Variants in KCNH5 observed in about 807,000 individuals in gnomAD.
The protein encoded by KCNH5 is potassium voltage-gated channel subfamily H member 5.
KCNH5 carries 46 observed loss-of-function variants against 96.1 expected under a neutral mutation model. The ratio of observed to expected loss-of-function variants is 0.48; its 90% CI spans 0.38 to 0.61. The LOEUF (loss-of-function observed/expected upper bound fraction) is 0.61. KCNH5 is among the 20% of genes least tolerant of loss of function. The pLI is 0.00. For missense variants in KCNH5, 907 were observed against 1,225.8 expected, an observed-to-expected ratio of 0.74 and a Z score of 3.88; for synonymous variants, 439 against 449.8, an observed-to-expected ratio of 0.98 and a Z score of 0.30.
intron 5 of KCNH5, among the ~76,000 whole-genome samples, chr14:62,985,616 G>A (rs911224735): frequency 1.3e-5 from 2 of 152,124 alleles, no homozygotes; most frequent in African/African-American, 4.8e-5. Context: ...ACAAATTATG[G>A]TTATAGAAGA....
chr14:63,036,979 G>A (rs1891733326), intron 1 of KCNH5, among the ~76,000 whole-genome samples: 2 of 152,162 alleles, frequency 1.3e-5, no homozygotes, highest in African/African-American at 2.4e-5. Context: ...TATGGAGGAG[G>A]CGGAAATTAG....
intron 1 of KCNH5, 66 bp downstream of exon 1, chr14:63,045,048 G>A (rs1891897050): frequency 8.1e-7 from 1 of 1,233,674 alleles, no homozygotes; most frequent in African/African-American, 1.5e-5. Context: ...GGATGGGATG[G>A]GGAGGATGGG....
intron 7 of KCNH5, among the ~76,000 whole-genome samples, chr14:62,936,930 G>C (rs1368346509): frequency 1.5e-5 from 2 of 130,900 alleles, no homozygotes; most frequent in African/African-American, 3.0e-5. Flanking sequence ...GGGGTGAGTG[G>C]AGATCACACC....
chr14:62,911,165 T>C (rs982188186), intron 7 of KCNH5, among the ~76,000 whole-genome samples: 2 of 152,102 alleles, frequency 1.3e-5, no homozygotes, highest in African/African-American at 4.8e-5. Context: ...CACACAAGAA[T>C]ATATGAATAA....
At chr14:62,827,032 C>T (rs1887241254) in intron 8 of KCNH5, among the ~76,000 whole-genome samples, 1 of 151,982 alleles carries the variant, frequency 6.6e-6, no homozygotes, top group African/African-American at 2.4e-5. Context: ...AAGGTGCCCA[C>T]ACTATATCTT....
In KCNH5 at chr14:62,861,637, T is replaced by TAAACAC. The variant is rs1888034884; in HGVS notation, c.1370-11786_1370-11785insGTGTTT. Among the ~76,000 whole-genome samples the TAAACAC allele has an allele frequency of 2.8e-5, 4 of 141,916 alleles. No homozygotes were observed. The South Asian group carries it at 9.4e-4, about 33-fold the overall frequency. 93.1% of individuals were successfully genotyped at this position (141,916 alleles called of 152,430 possible). A position where few individuals can be genotyped will look rare whatever the true frequency, so the allele number is the denominator to read the frequency against. ...CACATTTCCCCCCACCATCTCCATTTACACACACACACACACACACACACA... is the reference window on the plus strand; with the variant it reads ...CACATTTCCCCCCACCATCTCCATTTAAACACACACACACACACACACACACACACA... On this transcript the variant is annotated intron_variant, in intron 7 of 10. Coordinates refer to ENST00000322893, the MANE Select transcript of KCNH5 (RefSeq NM_139318.5).
At position 62,987,078 on chromosome 14, in the gene KCNH5, T is replaced by A; in HGVS notation, c.543A>T (p.Leu181=). 1 of 1,609,298 alleles carries A rather than the reference T, an allele frequency of 6.2e-7. No individual in the cohort carries two copies. The highest frequency in any genetic ancestry group is 8.5e-7 in the Non-Finnish European group (1 of 1,175,796). ...AAATTCATCTCATACTTACTTCAGC[T>A]AGTCTTGAATGTTTATGGACCACCT... ...KTEVVHKHSR[L]AEVLQLGSDI... is the part of the protein sequence containing the mutation. Residue 181 remains leucine (L), a synonymous_variant, in exon 5 of 11, where the codon CTA becomes CTT. Transcript: ENST00000322893.
At chr14:62,809,513 G>A (rs1318005294) in intron 8 of KCNH5, among the ~76,000 whole-genome samples, 8 of 152,024 alleles carry the variant, frequency 5.3e-5, no homozygotes, top group Non-Finnish European at 1.0e-4. Context: ...ACAGGTTATC[G>A]TGGAACCTCA....
chr14:63,028,943 A>G (rs1380016032), intron 1 of KCNH5, among the ~76,000 whole-genome samples: 6 of 152,152 alleles, frequency 3.9e-5, no homozygotes, highest in Admixed American at 3.9e-4. Flanking sequence ...TAAAGTTTTT[A>G]AAAATGTAGT....
chr14:62,787,004 G>A (rs1035170137), intron 9 of KCNH5, among the ~76,000 whole-genome samples: 8 of 152,166 alleles, frequency 5.3e-5, no homozygotes, highest in South Asian at 2.1e-4. Flanking sequence ...CCTTAAAATG[G>A]CTTCCAAGTG....
At chr14:62,907,108 G>A (rs1889043569) in intron 7 of KCNH5, among the ~76,000 whole-genome samples, 1 of 152,070 alleles carries the variant, frequency 6.6e-6, no homozygotes, top group Non-Finnish European at 1.5e-5. Context: ...TGTCTTTCTA[G>A]ACAGTCTTCT....
At chr14:62,932,952 T>C (rs554655964) in intron 7 of KCNH5, among the ~76,000 whole-genome samples, 9 of 152,266 alleles carry the variant, frequency 5.9e-5, no homozygotes, top group Admixed American at 2.6e-4. Flanking sequence ...AATTCTTTTA[T>C]CTATACTTTC....
intron 5 of KCNH5, among the ~76,000 whole-genome samples, chr14:62,984,197 A>G (rs921432346): frequency 1.3e-5 from 2 of 152,170 alleles, no homozygotes; most frequent in Non-Finnish European, 2.9e-5. Context: ...TTTTGTACCA[A>G]TACAGACACA....
chr14:62,780,030 G>C (rs1038756679), intron 9 of KCNH5, 106 bp from the exon 10 acceptor site: 2 of 851,366 alleles, frequency 2.3e-6, no homozygotes, highest in African/African-American at 1.7e-5. Flanking sequence ...GCATAATTTA[G>C]AGCTGAGGGT....
At position 63,045,122 on chromosome 14, in the gene KCNH5, C is replaced by T. The variant is rs747700661; in HGVS notation, c.65G>A (p.Arg22His). Residue 22 changes from arginine to histidine, a missense_variant, in exon 1 of 11, where the codon CGC becomes CAC. By Grantham distance (29) the Arg-to-His change is conservative. Around this residue, in one of 6 missense-constraint regions of KCNH5, gnomAD observed 370 missense variants for 561.3 expected, o/e 0.66. Transcript: ENST00000322893. Reference sequence around the variant, plus strand: ...ACTACAACTCTCCTTACCACTGGAGCGCCTGACGATGTTCTCCAAAAATGT... The same window carrying T: ...ACTACAACTCTCCTTACCACTGGAGTGCCTGACGATGTTCTCCAAAAATGT... ...QNTFLENIVR[R>H]SSESSFLLGN... The T allele has an allele frequency of 1.9e-6, 3 of 1,613,408 alleles. No homozygotes were observed. In the African/African-American group the frequency reaches 4.0e-5, roughly 22 times the overall value.
intron 6 of KCNH5, among the ~76,000 whole-genome samples, chr14:62,976,999 T>C (rs572974659): frequency 5.3e-5 from 8 of 151,398 alleles, no homozygotes; most frequent in Non-Finnish European, 8.8e-5. Context: ...CCCAGAAAAA[T>C]GGAAAGTGCA....
intron 10 of KCNH5, among the ~76,000 whole-genome samples, chr14:62,748,536 G>T (rs1305863042): frequency 1.3e-5 from 2 of 152,014 alleles, no homozygotes; most frequent in Non-Finnish European, 2.9e-5. Context: ...GAGTCGCTCT[G>T]GTTCGAATGC....
rs1260355133 is a variant in KCNH5 at position 62,705,755 on chromosome 14, T to C, written c.*1753A>G. The C allele has an allele frequency of 2.0e-5, 3 of 152,114 alleles. No individual in the cohort carries two copies. The allele number at this position is 152,114 out of a possible 1,614,324, so 9.4% of individuals were successfully genotyped here. A position where few individuals can be genotyped will look rare whatever the true frequency, so the allele number is the denominator to read the frequency against. On this transcript the variant is annotated 3_prime_UTR_variant, in exon 11 of 11. Coordinates refer to ENST00000322893, the MANE Select transcript of KCNH5 (RefSeq NM_139318.5). ...CTTCTCAAGTCTGAATGTGATAACA[T>C]GTCTTTCAGTTCTAGTGGCTTTGGT...
At chr14:62,887,427 T>G (rs1888619186) in intron 7 of KCNH5, among the ~76,000 whole-genome samples, 1 of 152,196 alleles carries the variant, frequency 6.6e-6, no homozygotes, top group Non-Finnish European at 1.5e-5. Flanking sequence ...TGATGAATAT[T>G]TCCAGAAGTA....
Sources: allele counts gnomAD v4.1 joint callset (sites outside exome capture counted in the v4.1 genomes callset), GRCh38; gene constraint gnomAD v4.1.1; regional missense constraint gnomAD v4.1.1; transcripts MANE v1.5; gene names NCBI Gene and HGNC (gene_info 2026-07-23, HGNC 2026-07-21).